The following RNF103 variants were observed in gnomAD, a reference collection of about 807,000 sequenced individuals.
RNF103 encodes the protein E3 ubiquitin-protein ligase RNF103.
A neutral mutation model predicts 66.2 loss-of-function variants in RNF103; 23 were observed. That is an observed-to-expected ratio of 0.35 (90% CI 0.25 to 0.49). The LOEUF is 0.49. Ranked by LOEUF, RNF103 falls within the 20% of genes least tolerant of loss-of-function variation. RNF103 has a pLI of 0.98. For missense variants in RNF103, 730 were observed against 814.7 expected (o/e 0.90, Z 1.27); for synonymous variants, 297 against 289.9 (o/e 1.02, Z -0.25).
In RNF103 at chr2:86,612,234, T is replaced by C. The variant is rs1234842840; in HGVS notation, c.407A>G (p.His136Arg). ...NDRSPLVGKI[H>R]WEKMVKKVSR... ...CACCTTTTTAACCATTTTCTCCCAG[T>C]GAATTTTGCCCACCAAGGGACTTCT... The change falls in exon 3 of 4, where the codon CAC becomes CGC. Residue 136 changes from histidine (H) to arginine (R), a missense_variant. Physicochemically the swap from His to Arg is conservative, Grantham distance 29. This residue lies in a region of RNF103 where 327 missense variants were observed against 369.8 expected (regional missense o/e 0.88). Transcript: ENST00000237455. 1 of 1,613,730 alleles carries C rather than the reference T, an allele frequency of 6.2e-7. No individual in the cohort carries two copies. Among genetic ancestry groups the C allele is most frequent in the East Asian group, 2.2e-5 (1 of 44,826 alleles).
At chr2:86,621,482 C>T (rs540674059) in intron 1 of RNF103, among the ~76,000 whole-genome samples, 130 of 152,288 alleles carry the variant, frequency 8.5e-4, no homozygotes, top group African/African-American at 3.1e-3. Flanking sequence ...AACCAGTCAG[C>T]AAACAAGGGG....
chr2:86,610,151 C>T lies in RNF103; in HGVS notation c.482+2008G>A, dbSNP rs576981562. Among the ~76,000 whole-genome samples the T allele has an allele frequency of 3.0e-4, 45 of 152,240 alleles. 1 individual carries two copies. The South Asian group carries it at 9.3e-3, about 32-fold the overall frequency. ...GGAACTGGTACAAGTCACTGTGCAA[C>T]AAAATCATTTTCTGATGAAGCTGAG... On this transcript the variant is annotated intron_variant, in intron 3 of 3. Transcript: ENST00000237455.
chr2:86,605,948 T>C (rs747419919), intron 3 of RNF103, among the ~76,000 whole-genome samples: 15 of 152,170 alleles, frequency 9.9e-5, no homozygotes, highest in Non-Finnish European at 1.9e-4. Flanking sequence ...GCTGAGTCAC[T>C]GGTTTGGTGC....
intron 1 of RNF103, 142 bp from the exon 2 acceptor site, chr2:86,620,611 T>C: frequency 1.8e-6 from 2 of 1,126,672 alleles, no homozygotes; most frequent in Non-Finnish European, 2.3e-6. Context: ...TAGAAGAACC[T>C]GGATATACCC....
At position 86,620,443 on chromosome 2, in the gene RNF103, A is replaced by T; in HGVS notation, c.253T>A (p.Ser85Thr). The change falls in exon 2 of 4, where the codon TCT becomes ACT. Residue 85 changes from serine (S) to threonine (T), a missense_variant. Physicochemically the swap from Ser to Thr is moderately conservative, Grantham distance 58. Transcript: ENST00000237455. ...SGDLMEGELY[S>T]ALKEEEASES... ...GATGCTTCTTCTTCCTTGAGAGCAG[A>T]ATAGAGCTCACCCTCCATCAAGTCA... 6.3e-7 allele frequency: 1 copy of T among 1,598,826 alleles called. No individual in the cohort carries two copies. The highest frequency in any genetic ancestry group is 8.6e-7 in the Non-Finnish European group (1 of 1,169,090).
At chr2:86,622,319 G>T (rs1027377108) in intron 1 of RNF103, among the ~76,000 whole-genome samples, 2 of 152,118 alleles carry the variant, frequency 1.3e-5, no homozygotes, top group Admixed American at 1.3e-4. Flanking sequence ...ACGTTTTTAT[G>T]AACTTCAACT....
In RNF103 at chr2:86,611,653, A is replaced by AT. The variant is rs1678799063; in HGVS notation, c.482+505dup. ...GGACAGAAAAAAGAAAGGTAGAAGG[A>AT]TACATGGATGATTAAAGAAAAAGAG... On this transcript the variant is annotated intron_variant, in intron 3 of 3. Transcript: ENST00000237455. Among the ~76,000 whole-genome samples the AT allele has an allele frequency of 3.9e-5, 6 of 152,310 alleles. No homozygotes were observed. In the South Asian group the frequency reaches 1.2e-3, roughly 32 times the overall value.
At position 86,620,349 on chromosome 2, in the gene RNF103, T is replaced by G. The variant is rs1157542403; in HGVS notation, c.347A>C (p.Asp116Ala). The G allele has an allele frequency of 6.2e-7, 1 of 1,604,596 alleles. No individual in the cohort carries two copies. The highest frequency in any genetic ancestry group is 1.7e-5 in the Admixed American group (1 of 59,688). The change falls in exon 2 of 4, where the codon GAT becomes GCT. Residue 116 changes from aspartate (D) to alanine (A), a missense_variant. Transcript: ENST00000237455. ...HFYELVEDTK[D>A]GIWLVQVIAN... ...TCATACCTGAACCAGCCAGATGCCATCTTTTGTGTCTTCCACAAGCTCATA... is the reference window on the plus strand; with the variant it reads ...TCATACCTGAACCAGCCAGATGCCAGCTTTTGTGTCTTCCACAAGCTCATA...
chr2:86,623,761 C>A lies in RNF103; in HGVS notation c.-875G>T. 1 of 1,282,296 alleles carries A rather than the reference C, an allele frequency of 7.8e-7. No homozygotes were observed. Among genetic ancestry groups the A allele is most frequent in the Admixed American group, 2.3e-5 (1 of 43,196 alleles). The allele number at this position is 1,282,296 out of a possible 1,614,324, so 79.4% of individuals were successfully genotyped here. On this transcript the variant is annotated 5_prime_UTR_variant, in exon 1 of 4. Transcript: ENST00000237455. Reference sequence around the variant, plus strand: ...CCCGTCCCGCTCGGATGGGCAGTGCCGGTCGCAGCACCCGTCCCCAACACC... The same window carrying A: ...CCCGTCCCGCTCGGATGGGCAGTGCAGGTCGCAGCACCCGTCCCCAACACC...
Position 86,605,012 on chromosome 2 carries a change from A to T in RNF103, c.889T>A (p.Tyr297Asn). The change falls in exon 4 of 4, where the codon TAC (tyrosine) becomes AAC (asparagine). Residue 297 changes from tyrosine (Y) to asparagine (N), a missense_variant. Coordinates refer to ENST00000237455, the MANE Select transcript of RNF103 (RefSeq NM_005667.4). The part of the protein sequence containing the change: ...SYILRTPEGI[Y>N]RYGNHTGEFI... ...TCGCCTGTGTGGTTTCCATACCTGT[A>T]AATTCCTTCAGGAGTTCTAAGTATG... 1 of 1,614,036 alleles carries T rather than the reference A, an allele frequency of 6.2e-7. No homozygotes were observed. The highest frequency in any genetic ancestry group is 8.5e-7 in the Non-Finnish European group (1 of 1,180,022).
At chr2:86,615,890 T>C (rs1404187242) in intron 2 of RNF103, among the ~76,000 whole-genome samples, 1 of 152,196 alleles carries the variant, frequency 6.6e-6, no homozygotes, top group Non-Finnish European at 1.5e-5. Flanking sequence ...CCAACTCATA[T>C]GGGTGCTCAA....
At chr2:86,612,095 C>A in intron 3 of RNF103, 64 bp downstream of exon 3, 1 of 1,004,836 alleles carries the variant, frequency 1.0e-6, no homozygotes. Flanking sequence ...AGTATCATTG[C>A]CCTTTTTAAA....
At chr2:86,616,635 C>G (rs308902) in intron 2 of RNF103, 528,331 of 984,782 alleles carry the variant, frequency 0.54, 142,770 homozygotes, top group East Asian at 0.87. Context: ...TCTTGTCAGC[C>G]AAACAGGAAA....
In RNF103 at chr2:86,603,448, C is replaced by T. The variant is rs556899911; in HGVS notation, c.*395G>A. The T allele has an allele frequency of 1.8e-5, 3 of 171,002 alleles. No individual in the cohort carries two copies. In the South Asian group the frequency reaches 5.2e-4, roughly 29 times the overall value. The allele number at this position is 171,002 out of a possible 1,614,324, so 10.6% of individuals were successfully genotyped here. On this transcript the variant is annotated 3_prime_UTR_variant, in exon 4 of 4. Coordinates refer to ENST00000237455, the MANE Select transcript of RNF103 (RefSeq NM_005667.4). ...ATAGGTCTGTTTTAATTTCATGTCT[C>T]ACAGCATACATTATTTAACCAAGAG...
chr2:86,607,980 A>T (rs1018814728), intron 3 of RNF103, among the ~76,000 whole-genome samples: 5 of 152,262 alleles, frequency 3.3e-5, no homozygotes, highest in Admixed American at 2.0e-4. Flanking sequence ...AGATAGAATA[A>T]GGTTGTATTA....
intron 3 of RNF103, among the ~76,000 whole-genome samples, chr2:86,611,657 A>T (rs1282560125): frequency 6.6e-6 from 1 of 152,334 alleles, no homozygotes; most frequent in East Asian, 1.9e-4. Context: ...AGAAGGATAC[A>T]TGGATGATTA....
chr2:86,616,781 C>T (rs940488644), intron 2 of RNF103: 4 of 985,286 alleles, frequency 4.1e-6, no homozygotes, highest in African/African-American at 1.7e-5. Flanking sequence ...ACAAATATGT[C>T]CTTCTTTGAA....
rs149055270 is a variant in RNF103, at chr2:86,622,534, G to C, written c.226+127C>G. ...ATACTTGATTGTAGGAAGCTTGGAC[G>C]AAGAAACCTGGGCAGCTTTAACGCT... is the stretch of plus-strand genomic sequence containing the variant. On this transcript the variant is annotated intron_variant, in intron 1 of 3. Transcript: ENST00000237455. 5.6e-4 allele frequency: 491 copies of C among 872,142 alleles called. 4 individuals carry two copies. In the East Asian group the frequency reaches 0.011, roughly 19 times the overall value. The allele number at this position is 872,142 out of a possible 1,614,324, so 54.0% of individuals were successfully genotyped here. A position where few individuals can be genotyped will look rare whatever the true frequency, so the allele number is the denominator to read the frequency against.
Position 86,605,340 on chromosome 2 carries a change from G to A in RNF103, c.561C>T (p.Val187=). Residue 187 remains valine, a synonymous_variant, in exon 4 of 4, where the codon GTC becomes GTT. Transcript: ENST00000237455. ...VPQTSTSKGK[V]MLKEYSGRKI... ...TGCGTCCACTGTATTCTTTAAGCATGACTTTCCCTTTTGAAGTACTTGTTT... is the reference window on the plus strand; with the variant it reads ...TGCGTCCACTGTATTCTTTAAGCATAACTTTCCCTTTTGAAGTACTTGTTT... 6.2e-7 allele frequency: 1 copy of A among 1,614,138 alleles called. No homozygotes were observed. The highest frequency in any genetic ancestry group is 8.5e-7 in the Non-Finnish European group (1 of 1,180,012).
Sources: gnomAD v4.1 joint callset for allele counts (sites outside exome capture counted in the v4.1 genomes callset) on GRCh38, gnomAD v4.1.1 for gene constraint, gnomAD v4.1.1 regional missense constraint, MANE v1.5 for transcripts, NCBI Gene and HGNC (gene_info 2026-07-23, HGNC 2026-07-21) for gene names.